The following GIT1 variants were observed in gnomAD, a reference collection of about 807,000 sequenced individuals.
GIT1 encodes ARF GTPase-activating protein GIT1.
A neutral mutation model predicts 91.7 loss-of-function variants in GIT1; 14 were observed. The ratio of observed to expected loss-of-function variants is 0.15; its 90% CI spans 0.10 to 0.24. GIT1 has a LOEUF of 0.24. Ranked by LOEUF, GIT1 falls within the 10% of genes least tolerant of loss-of-function variation. The probability of loss-of-function intolerance (pLI) is 1.00; values close to 1 mark genes in which losing one functional copy is unlikely to be tolerated. For missense variants in GIT1, 717 were observed against 1,024.9 expected (o/e 0.70, Z 4.10); for synonymous variants, 414 against 418.2 (o/e 0.99, Z 0.12).
intron 1 of GIT1, among the ~76,000 whole-genome samples, chr17:29,586,008 C>T (rs2150853326): frequency 6.6e-6 from 1 of 152,296 alleles, no homozygotes; most frequent in South Asian, 2.1e-4. Flanking sequence ...TAGGTTTGCA[C>T]ATACAGGCTA....
chr17:29,577,072 G>A (rs896983011), intron 11 of GIT1, 64 bp downstream of exon 11: 3 of 1,604,774 alleles, frequency 1.9e-6, no homozygotes, highest in Non-Finnish European at 2.6e-6. Context: ...GGCAGGGAGA[G>A]CCATGCAGGA....
At chr17:29,579,532 G>T (rs2033326133) in intron 7 of GIT1, among the ~76,000 whole-genome samples, 2 of 152,112 alleles carry the variant, frequency 1.3e-5, no homozygotes, top group South Asian at 4.1e-4. Context: ...GTTCGCTTGA[G>T]GCCAGGAGGT....
chr17:29,574,519 C>CAA lies in GIT1; in HGVS notation c.*182_*183insTT. The CAA allele has an allele frequency of 1.5e-6, 1 of 661,740 alleles. No homozygotes were observed. The highest frequency in any genetic ancestry group is 1.7e-5 in the South Asian group (1 of 57,932). The allele number at this position is 661,740 out of a possible 1,614,324, so 41.0% of individuals were successfully genotyped here. A position where few individuals can be genotyped will look rare whatever the true frequency, so the allele number is the denominator to read the frequency against. The stretch of plus-strand genomic sequence containing the variant: ...TGGGGGACAGAAGCTCCTGCCCCCC[C>CAA]ACCTCCCCATCCTTAGGGGCTCGAC... On this transcript the variant is annotated 3_prime_UTR_variant, in exon 20 of 20. Transcript: ENST00000225394.
chr17:29,581,316 G>A lies in GIT1; in HGVS notation c.761+22C>T. 1 of 1,594,928 alleles carries A rather than the reference G, an allele frequency of 6.3e-7. No homozygotes were observed. The highest frequency in any genetic ancestry group is 1.1e-5 in the South Asian group (1 of 90,738). ...CATGGCATCCAACAGCCTCTGGAAAGGGGCATCAGGTGGGCACTCACCTGT... is the reference window on the plus strand; with the variant it reads ...CATGGCATCCAACAGCCTCTGGAAAAGGGCATCAGGTGGGCACTCACCTGT... On this transcript the variant is annotated intron_variant, in intron 7 of 19. Transcript: ENST00000225394. The surrounding 1 kb of genome is among the most constrained non-coding windows in gnomAD (Gnocchi z 4.8).
rs1053442825 is a variant in GIT1 at position 29,577,673 on chromosome 17, T to C, written c.953A>G (p.Asn318Ser). The change falls in exon 10 of 20, where the codon AAC (asparagine) becomes AGC (serine). Residue 318 changes from asparagine (N) to serine (S), a missense_variant. By Grantham distance (46) the Asn-to-Ser change is conservative. Transcript: ENST00000225394. ...ERSAVPFLPV[N>S]PEYSATRNQG... ...ATTCCGCGTGGCTGAGTATTCCGGG[T>C]TAACAGGCAGGAAGGGCACGGCACT... 6.2e-7 allele frequency: 1 copy of C among 1,612,006 alleles called. No homozygotes were observed. The highest frequency in any genetic ancestry group is 8.5e-7 in the Non-Finnish European group (1 of 1,178,548).
At chr17:29,577,072 G>C (rs896983011) in intron 11 of GIT1, 64 bp downstream of exon 11, 15 of 1,604,774 alleles carry the variant, frequency 9.3e-6, no homozygotes, top group Non-Finnish European at 1.3e-5. Context: ...GGCAGGGAGA[G>C]CCATGCAGGA....
rs1210440879 is a variant in GIT1, at chr17:29,576,390, G to A, written c.1441C>T (p.Pro481Ser). The A allele has an allele frequency of 6.2e-7, 1 of 1,613,336 alleles. No homozygotes were observed. The highest frequency in any genetic ancestry group is 8.5e-7 in the Non-Finnish European group (1 of 1,179,970). Residue 481 changes from proline (P) to serine (S), a missense_variant, in exon 14 of 20, where the codon CCT becomes TCT. Physicochemically the swap from Pro to Ser is moderately conservative, Grantham distance 74 (BLOSUM62 -1). Around this residue, in one of 3 missense-constraint regions of GIT1, gnomAD observed 312 missense variants for 349.5 expected, o/e 0.89. Coordinates refer to ENST00000225394, the MANE Select transcript of GIT1 (RefSeq NM_014030.4). ...LRQPPGPVPT[P>S]PLPSERAEHT... ...TCCGCCCGTTCACTGGGGAGTGGAG[G>A]TGTGGGCACCGGCCCTGGAGGCTGC...
At chr17:29,576,016 C>T in intron 15 of GIT1, 62 bp downstream of exon 15, 2 of 1,578,510 alleles carry the variant, frequency 1.3e-6, no homozygotes, top group Non-Finnish European at 1.7e-6. Flanking sequence ...CAGCACAGAG[C>T]CCAGAACCCC....
rs1352216647 is a variant in GIT1, at chr17:29,574,581, G to A, written c.*121C>T. The A allele has an allele frequency of 1.1e-6, 1 of 872,170 alleles. No homozygotes were observed. The highest frequency in any genetic ancestry group is 1.8e-5 in the Admixed American group (1 of 55,774). 54.0% of individuals were successfully genotyped at this position (872,170 alleles called of 1,614,324 possible). On this transcript the variant is annotated 3_prime_UTR_variant, in exon 20 of 20. Transcript: ENST00000225394. ...CCAGGGCACCTGGCTGCCAGGGAGT[G>A]TGGCAGCACTAAGGGCACTTGTGCC...
intron 1 of GIT1, among the ~76,000 whole-genome samples, chr17:29,585,740 T>C (rs1490690300): frequency 6.6e-6 from 1 of 152,068 alleles, no homozygotes; most frequent in Non-Finnish European, 1.5e-5. Context: ...ACTACCCAGA[T>C]TGTAGTTTAA....
rs1208769929 is a variant in GIT1, at chr17:29,589,627, T to A, written c.-249A>T. 3 of 148,586 alleles carry A rather than the reference T, an allele frequency of 2.0e-5. No individual in the cohort carries two copies. The highest frequency in any genetic ancestry group is 4.5e-5 in the Non-Finnish European group (3 of 66,620). 9.2% of individuals were successfully genotyped at this position (148,586 alleles called of 1,614,324 possible). ...GCTCGCGGCTCCTCTCTCCGCCCCC[T>A]GCGCGGCTCCCGGCCGCTTCTGCAG... On this transcript the variant is annotated 5_prime_UTR_variant, in exon 1 of 20. Transcript: ENST00000225394. This position sits in a 1 kb window ranked among gnomAD's most constrained non-coding sequence, Gnocchi z 5.2.
intron 1 of GIT1, among the ~76,000 whole-genome samples, chr17:29,587,082 A>G (rs2033617183): frequency 6.6e-6 from 1 of 152,140 alleles, no homozygotes; most frequent in Non-Finnish European, 1.5e-5. Flanking sequence ...TGTGGTTAGG[A>G]CTGCAGGGCT....
Position 29,587,957 on chromosome 17 carries a change from T to A in GIT1, c.52+1370A>T, listed in dbSNP as rs569951871. The stretch of plus-strand genomic sequence containing the variant: ...GCAGCTCGGGGAACGGAGTCACAGT[T>A]TCTTAGGGGTATGGACCCTCAACCC... On this transcript the variant is annotated intron_variant, in intron 1 of 19. Transcript: ENST00000225394. Among the ~76,000 whole-genome samples, 446 of 152,198 alleles carry A rather than the reference T, an allele frequency of 2.9e-3. 4 individuals carry two copies. The highest frequency in any genetic ancestry group is 0.011 in the African/African-American group (437 of 41,532).
chr17:29,575,149 G>A lies in GIT1; in HGVS notation c.2010-7C>T, dbSNP rs372900000. 3 of 1,592,908 alleles carry A rather than the reference G, an allele frequency of 1.9e-6. No homozygotes were observed. Among genetic ancestry groups the A allele is most frequent in the Non-Finnish European group, 2.6e-6 (3 of 1,166,554 alleles). On this transcript the variant is annotated splice_region_variant and splice_polypyrimidine_tract_variant and intron_variant, in intron 18 of 19. Transcript: ENST00000225394. This position sits in a 1 kb window ranked among gnomAD's most constrained non-coding sequence, Gnocchi z 5.5. ...CTCTGAGCAGGGCACGAAGCTGCGG[G>A]GAGAAGGGAGGCTATAAAGCAGGGG...
At chr17:29,584,950 G>C (rs1486365481) in intron 1 of GIT1, among the ~76,000 whole-genome samples, 3 of 149,462 alleles carry the variant, frequency 2.0e-5, no homozygotes, top group Admixed American at 6.8e-5. Flanking sequence ...GCCTGTCTTT[G>C]GGTTTAGGCT....
At chr17:29,583,451 G>C in intron 2 of GIT1, 32 bp downstream of exon 2, 1 of 1,605,738 alleles carries the variant, frequency 6.2e-7, no homozygotes, top group Non-Finnish European at 8.5e-7. Flanking sequence ...CTGCCTGAGG[G>C]GAAGGAAGAA....
chr17:29,576,780 T>C, intron 12 of GIT1, 83 bp downstream of exon 12: 1 of 1,577,464 alleles, frequency 6.3e-7, no homozygotes, highest in Non-Finnish European at 8.6e-7. Context: ...CTCAGGCCCC[T>C]GGGCTACAAG....
Position 29,589,248 on chromosome 17 carries a change from CAG to C in GIT1, c.52+77_52+78del. ...CCCCGCCCAGCCCTCCGGCCCCGCA[CAG>C]CGCTCTTGCCAGGCCCCGGCGCCCG... is the stretch of plus-strand genomic sequence containing the variant. On this transcript the variant is annotated intron_variant, in intron 1 of 19. Transcript: ENST00000225394. The surrounding 1 kb of genome is among the most constrained non-coding windows in gnomAD (Gnocchi z 5.2). 2 of 489,336 alleles carry C rather than the reference CAG, an allele frequency of 4.1e-6. No homozygotes were observed. Among genetic ancestry groups the C allele is most frequent in the Non-Finnish European group, 5.3e-6 (2 of 374,356 alleles). 30.3% of individuals were successfully genotyped at this position (489,336 alleles called of 1,614,324 possible). A position where few individuals can be genotyped will look rare whatever the true frequency, so the allele number is the denominator to read the frequency against.
At chr17:29,584,259 TACC>T (rs2033506133) in intron 1 of GIT1, among the ~76,000 whole-genome samples, 4 of 152,224 alleles carry the variant, frequency 2.6e-5, no homozygotes, top group African/African-American at 9.7e-5. Context: ...TAGGACATGC[TACC>T]TCTGTGATGA....
Sources: gnomAD v4.1 joint callset for allele counts (sites outside exome capture counted in the v4.1 genomes callset) on GRCh38, gnomAD v4.1.1 for gene constraint, gnomAD v4.1.1 regional missense constraint, Gnocchi (gnomAD v3.1) non-coding constraint, MANE v1.5 for transcripts, NCBI Gene and HGNC (gene_info 2026-07-23, HGNC 2026-07-21) for gene names.